STK33: variants seen among roughly 807,000 people sequenced by gnomAD.
STK33 encodes serine/threonine kinase 33, also known as serine/threonine-protein kinase 33.
In STK33, 52 loss-of-function variants were observed where a neutral mutation model predicts 58.0. The observed-to-expected ratio is 0.90, with a 90% CI of 0.72 to 1.13. The LOEUF (loss-of-function observed/expected upper bound fraction) is 1.13, where lower values mean the gene tolerates loss of function less well. Among genes scored for constraint, STK33 ranks in the 50% most tolerant of loss-of-function variants. The probability of loss-of-function intolerance (pLI) is 0.00; values close to 1 mark genes in which losing one functional copy is unlikely to be tolerated. For synonymous variants in STK33, 215 were observed against 200.1 expected (o/e 1.07, Z -0.63); for missense variants, 630 against 604.2 (o/e 1.04, Z -0.45).
chr11:8,405,962 G>A (rs1939083867), intron 15 of STK33, among the ~76,000 whole-genome samples: 1 of 151,906 alleles, frequency 6.6e-6, no homozygotes, highest in African/African-American at 2.4e-5. Context: ...CTAACATGGT[G>A]AAACCCCATC....
chr11:8,404,390 A>T (rs1239635565), intron 15 of STK33, among the ~76,000 whole-genome samples: 1 of 152,226 alleles, frequency 6.6e-6, no homozygotes, highest in Non-Finnish European at 1.5e-5. Context: ...ATCAGGAAAT[A>T]GAACAATTAC....
intron 14 of STK33, among the ~76,000 whole-genome samples, chr11:8,427,605 T>G (rs1317200545): frequency 6.6e-6 from 1 of 152,136 alleles, no homozygotes. Flanking sequence ...CTTTTACTTT[T>G]AACCCCATAT....
At chr11:8,414,694 C>A (rs558709591) in intron 14 of STK33, among the ~76,000 whole-genome samples, 1 of 152,054 alleles carries the variant, frequency 6.6e-6, no homozygotes. Flanking sequence ...AGGATCACTA[C>A]GCAATTAATT....
At chr11:8,412,550 G>A (rs1383695178) in intron 15 of STK33, among the ~76,000 whole-genome samples, 1 of 152,112 alleles carries the variant, frequency 6.6e-6, no homozygotes, top group African/African-American at 2.4e-5. Context: ...GAGGGGTGTA[G>A]GCCAGCAATG....
intron 14 of STK33, among the ~76,000 whole-genome samples, chr11:8,417,701 CAT>C (rs1333252604): frequency 6.6e-6 from 1 of 152,054 alleles, no homozygotes; most frequent in African/African-American, 2.4e-5. Flanking sequence ...TATTTAAAAA[CAT>C]ATAAAAGAAT....
the STK33 span, among the ~76,000 whole-genome samples, chr11:8,384,009 T>C: frequency 6.6e-6 from 1 of 152,164 alleles, no homozygotes; most frequent in African/African-American, 2.4e-5. Context: ...TGAGGTCTGA[T>C]AGAGATCTCA....
intron 1 of STK33, among the ~76,000 whole-genome samples, chr11:8,495,377 G>A (rs368127163): frequency 6.6e-6 from 1 of 152,126 alleles, no homozygotes. Context: ...TTAGAGAAAT[G>A]CAAATCAAAA....
the STK33 span, among the ~76,000 whole-genome samples, chr11:8,383,129 T>C: frequency 6.6e-6 from 1 of 152,156 alleles, no homozygotes; most frequent in African/African-American, 2.4e-5. Context: ...CGGGCCACAC[T>C]TGGAGGTCTG....
intron 6 of STK33, among the ~76,000 whole-genome samples, chr11:8,472,030 A>T (rs1729739816): frequency 6.6e-6 from 1 of 152,136 alleles, no homozygotes; most frequent in Admixed American, 6.6e-5. Flanking sequence ...GGCTCAAGTG[A>T]TACTCACATC....
In STK33 at chr11:8,391,994, T is replaced by C. The variant is rs1848650303; in HGVS notation, c.*516A>G. The C allele has an allele frequency of 6.4e-6, 1 of 156,350 alleles. No individual in the cohort carries two copies. The allele number at this position is 156,350 out of a possible 1,614,324, so 9.7% of individuals were successfully genotyped here. On this transcript the variant is annotated 3_prime_UTR_variant, in exon 16 of 16. Coordinates refer to ENST00000687296, the MANE Select transcript of STK33 (RefSeq NM_001352389.2). ...TTAAAATAAGCTGTCTTAAACAATC[T>C]ATAGCAACCTAAAATCTCACGAACA... is the stretch of plus-strand genomic sequence containing the variant.
rs187702453 is a variant in STK33 at position 8,402,581 on chromosome 11, G to A, written c.1345-9871C>T. The stretch of plus-strand genomic sequence containing the variant: ...GTATACATATGTAACAAACCTGCAT[G>A]TTGTGCACATGTACCCTAAAACTTA... On this transcript the variant is annotated intron_variant, in intron 15 of 15. Transcript: ENST00000687296. 2.0e-4 allele frequency among the ~76,000 whole-genome samples: 30 copies of A among 152,096 alleles called. No individual in the cohort carries two copies. The East Asian group carries it at 5.2e-3, about 26-fold the overall frequency.
chr11:8,410,970 T>C (rs988411692), intron 15 of STK33, among the ~76,000 whole-genome samples: 1 of 152,238 alleles, frequency 6.6e-6, no homozygotes, highest in Non-Finnish European at 1.5e-5. Flanking sequence ...TTCTCTCCAA[T>C]TGTTTTCTGA....
At chr11:8,492,567 G>A (rs188272877) in intron 1 of STK33, among the ~76,000 whole-genome samples, 139 of 152,204 alleles carry the variant, frequency 9.1e-4, no homozygotes, top group African/African-American at 3.3e-3. Context: ...GGATATCCAG[G>A]ACTTGAACTC....
At chr11:8,459,325 A>C (rs1418321411) in intron 8 of STK33, among the ~76,000 whole-genome samples, 1 of 152,162 alleles carries the variant, frequency 6.6e-6, no homozygotes, top group Non-Finnish European at 1.5e-5. Context: ...GAAAGTCTAC[A>C]TGCTTGTGTG....
At chr11:8,412,092 A>G (rs1311880954) in intron 15 of STK33, among the ~76,000 whole-genome samples, 2 of 152,210 alleles carry the variant, frequency 1.3e-5, no homozygotes, top group Non-Finnish European at 2.9e-5. Context: ...ACGTGTGTAT[A>G]ATTGTACATA....
chr11:8,579,921 A>G (rs1958446697), intron 1 of STK33, among the ~76,000 whole-genome samples: 1 of 152,212 alleles, frequency 6.6e-6, no homozygotes, highest in Admixed American at 6.6e-5. Context: ...ATGAGACATC[A>G]TCTCATCCCA....
chr11:8,563,378 A>T (rs1322586060), intron 1 of STK33, among the ~76,000 whole-genome samples: 2 of 152,148 alleles, frequency 1.3e-5, no homozygotes, highest in Non-Finnish European at 2.9e-5. Flanking sequence ...AGCCCAGGGG[A>T]TCATGAGGAA....
At chr11:8,395,574 C>A (rs1002340415) in intron 15 of STK33, among the ~76,000 whole-genome samples, 6 of 152,222 alleles carry the variant, frequency 3.9e-5, no homozygotes, top group African/African-American at 1.4e-4. Flanking sequence ...CACTCTTTTA[C>A]ACCTTGACTT....
chr11:8,468,749 G>A (rs1948477038), intron 6 of STK33, among the ~76,000 whole-genome samples: 1 of 152,022 alleles, frequency 6.6e-6, no homozygotes. Context: ...TTATAAAATA[G>A]TACAAAACAT....
Sources: gnomAD v4.1 joint callset for allele counts (sites outside exome capture counted in the v4.1 genomes callset) on GRCh38, gnomAD v4.1.1 for gene constraint, MANE v1.5 for transcripts, NCBI Gene and HGNC (gene_info 2026-07-23, HGNC 2026-07-21) for gene names.